Variants in CNTN3 observed in about 807,000 individuals in gnomAD.
CNTN3 encodes the protein contactin-3.
Under a neutral mutation model 119.1 loss-of-function variants are expected in CNTN3, and 60 were observed. That is an observed-to-expected ratio of 0.50 (90% CI 0.41 to 0.62). CNTN3 has a LOEUF of 0.62. Ranked by LOEUF, CNTN3 falls within the 20% of genes least tolerant of loss-of-function variation. The pLI, the probability that CNTN3 is intolerant of heterozygous loss-of-function variation, is 0.00. For missense variants in CNTN3, 1,101 were observed against 1,242.4 expected (o/e 0.89, Z 1.71); for synonymous variants, 450 against 438.7 (o/e 1.03, Z -0.32).
Position 74,295,149 on chromosome 3 carries a change from A to C in CNTN3, c.2489T>G (p.Leu830Trp), listed in dbSNP as rs1404850085. 6.2e-7 allele frequency: 1 copy of C among 1,612,484 alleles called. No individual in the cohort carries two copies. Among genetic ancestry groups the C allele is most frequent in the Non-Finnish European group, 8.5e-7 (1 of 1,178,678 alleles). ...ATAGCCCAGTAAATGTCCATTGCTC[A>C]ACTTCCAAGGAATGGTGTTCCATGA... ...EVSWNTIPWK[L>W]SNGHLLGYEV... is the part of the protein sequence containing the mutation. Residue 830 changes from leucine (L) to tryptophan (W), a missense_variant, in exon 19 of 23, where the codon TTG (leucine) becomes TGG (tryptophan). Coordinates refer to ENST00000263665, the MANE Select transcript of CNTN3 (RefSeq NM_020872.3).
intron 10 of CNTN3, among the ~76,000 whole-genome samples, chr3:74,364,262 G>T (rs1017720286): frequency 1.2e-4 from 18 of 151,966 alleles, no homozygotes; most frequent in African/African-American, 4.3e-4. Context: ...TTAACCCTTG[G>T]TCCTCAATTC....
At position 74,558,663 on chromosome 3, in the gene CNTN3, G is replaced by A. The variant is rs1207247591; in HGVS notation, c.-80-37471C>T. ...TACTTGACATTTTATATCCTAATTT[G>A]TTCATCTGTAACATGGAATTAATAA... is the stretch of plus-strand genomic sequence containing the variant. On this transcript the variant is annotated intron_variant, in intron 1 of 22. Coordinates refer to ENST00000263665, the MANE Select transcript of CNTN3 (RefSeq NM_020872.3). Among the ~76,000 whole-genome samples, 4 of 151,926 alleles carry A rather than the reference G, an allele frequency of 2.6e-5. No individual in the cohort carries two copies. The East Asian group carries it at 7.7e-4, about 29-fold the overall frequency.
rs554959843 is a variant in CNTN3 at position 74,532,900 on chromosome 3, C to T, written c.-80-11708G>A. ...GTCTGATTTTTCTAGAGGGAAGAGTCTTCTCAGGATTAACTTGCATGATAA... is the reference window on the plus strand; with the variant it reads ...GTCTGATTTTTCTAGAGGGAAGAGTTTTCTCAGGATTAACTTGCATGATAA... On this transcript the variant is annotated intron_variant, in intron 1 of 22. Coordinates refer to ENST00000263665, the MANE Select transcript of CNTN3 (RefSeq NM_020872.3). Among the ~76,000 whole-genome samples the T allele has an allele frequency of 2.6e-5, 4 of 152,148 alleles. No individual in the cohort carries two copies. In the South Asian group the frequency reaches 8.3e-4, roughly 32 times the overall value.
intron 2 of CNTN3, among the ~76,000 whole-genome samples, chr3:74,515,144 T>C (rs1166035820): frequency 6.6e-6 from 1 of 151,984 alleles, no homozygotes; most frequent in Non-Finnish European, 1.5e-5. Context: ...CCCCACAGGA[T>C]TTTTCACTCC....
intron 1 of CNTN3, among the ~76,000 whole-genome samples, chr3:74,604,102 T>A (rs908272531): frequency 6.6e-6 from 1 of 152,130 alleles, no homozygotes; most frequent in Non-Finnish European, 1.5e-5. Context: ...TTGGGACAAC[T>A]AGATTTATGC....
chr3:74,438,358 G>T (rs531204793), intron 4 of CNTN3, among the ~76,000 whole-genome samples: 55 of 152,220 alleles, frequency 3.6e-4, no homozygotes, highest in African/African-American at 1.2e-3. Context: ...ATAACATAAC[G>T]TGTTAGAGGC....
intron 11 of CNTN3, among the ~76,000 whole-genome samples, chr3:74,337,139 T>C (rs111877302): frequency 4.4e-4 from 67 of 152,108 alleles, no homozygotes; most frequent in African/African-American, 1.4e-3. Context: ...ATCGCCCCAA[T>C]AAAAACTGTA....
At chr3:74,480,112 T>C (rs945437486) in intron 4 of CNTN3, among the ~76,000 whole-genome samples, 3 of 152,042 alleles carry the variant, frequency 2.0e-5, no homozygotes, top group Non-Finnish European at 4.4e-5. Context: ...TAAAATCCTA[T>C]AATAACATGG....
intron 1 of CNTN3, among the ~76,000 whole-genome samples, chr3:74,551,143 A>T (rs1703983962): frequency 6.6e-6 from 1 of 152,156 alleles, no homozygotes; most frequent in Non-Finnish European, 1.5e-5. Context: ...TTCCTGTTCG[A>T]GCCTTAGCTA....
At chr3:74,575,126 T>C (rs927338041) in intron 1 of CNTN3, among the ~76,000 whole-genome samples, 4 of 152,248 alleles carry the variant, frequency 2.6e-5, no homozygotes, top group Non-Finnish European at 5.9e-5. Flanking sequence ...GGTTTCACTA[T>C]GTTGCCCAAG....
At chr3:74,500,508 C>CAAAACAA (rs1703149053) in intron 2 of CNTN3, among the ~76,000 whole-genome samples, 1 of 140,914 alleles carries the variant, frequency 7.1e-6, no homozygotes, top group Non-Finnish European at 1.5e-5. Context: ...CAAATTCGCC[C>CAAAACAA]AAAAAAAAAA....
At chr3:74,381,946 C>G (rs1432460037) in intron 5 of CNTN3, among the ~76,000 whole-genome samples, 1 of 152,128 alleles carries the variant, frequency 6.6e-6, no homozygotes, top group Non-Finnish European at 1.5e-5. Context: ...TGGTGGCTCA[C>G]TCCTGTAATA....
chr3:74,386,478 G>C (rs1210492533), intron 5 of CNTN3, among the ~76,000 whole-genome samples: 3 of 152,130 alleles, frequency 2.0e-5, no homozygotes, highest in African/African-American at 7.2e-5. Flanking sequence ...GGAGGGCAAG[G>C]CTGCAGTGAA....
At chr3:74,506,746 A>AC (rs1703267928) in intron 2 of CNTN3, among the ~76,000 whole-genome samples, 1 of 33,012 alleles carries the variant, frequency 3.0e-5, no homozygotes, top group Admixed American at 4.2e-4. Context: ...TGAAAAAAAA[A>AC]AAAAAACAAC....
intron 3 of CNTN3, among the ~76,000 whole-genome samples, chr3:74,490,738 A>G (rs112755550): frequency 5.4e-4 from 83 of 152,302 alleles, no homozygotes; most frequent in African/African-American, 1.9e-3. Context: ...CACAATCTCT[A>G]GATTATTTCA....
chr3:74,485,999 C>T (rs1187076358), intron 4 of CNTN3, among the ~76,000 whole-genome samples: 8 of 152,132 alleles, frequency 5.3e-5, no homozygotes, highest in Non-Finnish European at 1.2e-4. Flanking sequence ...TCTTCTTGTT[C>T]TGACAGTCTT....
At chr3:74,610,599 T>G (rs997854185) in intron 1 of CNTN3, among the ~76,000 whole-genome samples, 13 of 152,122 alleles carry the variant, frequency 8.5e-5, no homozygotes, top group African/African-American at 2.9e-4. Context: ...TATTCTGAGT[T>G]CAATGAAAAG....
In CNTN3 at chr3:74,486,529, T is replaced by C. The variant is rs1478782683; in HGVS notation, c.285A>G (p.Thr95=). The change falls in exon 4 of 23, where the codon ACA becomes ACG. Residue 95 remains threonine, a synonymous_variant. Coordinates refer to ENST00000263665, the MANE Select transcript of CNTN3 (RefSeq NM_020872.3). ...TTGTTGCAAAACATTGGTAAGTTCC[T>C]GTATCCCAATTTCTGTTGGGATTAA... The part of the protein sequence containing the change: ...VVINPNRNWD[T]GTYQCFATNS... The C allele has an allele frequency of 3.1e-6, 5 of 1,610,182 alleles. No individual in the cohort carries two copies. Among genetic ancestry groups the C allele is most frequent in the Non-Finnish European group, 4.2e-6 (5 of 1,179,176 alleles).
chr3:74,556,115 T>A (rs1230295283), intron 1 of CNTN3, among the ~76,000 whole-genome samples: 2 of 152,208 alleles, frequency 1.3e-5, no homozygotes, highest in East Asian at 3.9e-4. Flanking sequence ...ATGGTGATAA[T>A]GCCCACTTTT....
Sources: gnomAD v4.1 joint callset for allele counts (sites outside exome capture counted in the v4.1 genomes callset) on GRCh38, gnomAD v4.1.1 for gene constraint, MANE v1.5 for transcripts, NCBI Gene and HGNC (gene_info 2026-07-23, HGNC 2026-07-21) for gene names.